BRAF: variants seen among roughly 807,000 people sequenced by gnomAD.
The protein encoded by BRAF is serine/threonine-protein kinase B-raf.
Under a neutral mutation model 104.6 loss-of-function variants are expected in BRAF, and 16 were observed. That is an observed-to-expected ratio of 0.15 (90% confidence interval 0.10 to 0.23). The LOEUF (loss-of-function observed/expected upper bound fraction) is 0.23, where lower values mean the gene tolerates loss of function less well. BRAF is among the 10% of genes least tolerant of loss of function. The pLI is 1.00. For synonymous variants in BRAF, 310 were observed against 341.6 expected (o/e 0.91, Z 1.02); for missense variants, 541 against 937.3 (o/e 0.58, Z 5.52).
intron 2 of BRAF, chr7:140,836,382 A>T (rs1176985403): frequency 1.3e-5 from 2 of 152,164 alleles, no homozygotes; most frequent in Non-Finnish European, 2.9e-5. Context: ...TAAGGGAGGA[A>T]GGGAGAATTA....
intron 3 of BRAF, among the ~76,000 whole-genome samples, chr7:140,816,650 G>A (rs1804913175): frequency 6.6e-6 from 1 of 152,026 alleles, no homozygotes; most frequent in Non-Finnish European, 1.5e-5. Context: ...AAACCCCAGG[G>A]TATGTAAACC....
intron 1 of BRAF, among the ~76,000 whole-genome samples, chr7:140,854,751 GC>G (rs1809579392): frequency 6.6e-6 from 1 of 151,866 alleles, no homozygotes; most frequent in African/African-American, 2.4e-5. Flanking sequence ...TTCGAGACCA[GC>G]TGGCCAACAC....
intron 1 of BRAF, among the ~76,000 whole-genome samples, chr7:140,903,992 C>G (rs1372937546): frequency 6.6e-6 from 1 of 152,200 alleles, no homozygotes; most frequent in Non-Finnish European, 1.5e-5. Flanking sequence ...GACATGAACT[C>G]TACTCTTGCT....
At chr7:140,809,560 CTTT>C (rs1019508314) in intron 3 of BRAF, among the ~76,000 whole-genome samples, 1 of 152,178 alleles carries the variant, frequency 6.6e-6, no homozygotes, top group African/African-American at 2.4e-5. Flanking sequence ...AGGGTCACTA[CTTT>C]TATGTCACTA....
At chr7:140,842,974 A>C (rs934200895) in intron 2 of BRAF, among the ~76,000 whole-genome samples, 1 of 152,230 alleles carries the variant, frequency 6.6e-6, no homozygotes, top group African/African-American at 2.4e-5. Context: ...AGCAAGAATA[A>C]GTAGTTGAAG....
chr7:140,840,665 C>T (rs1464932029), intron 2 of BRAF, among the ~76,000 whole-genome samples: 2 of 151,572 alleles, frequency 1.3e-5, no homozygotes, highest in African/African-American at 2.4e-5. Flanking sequence ...GTGACGCATG[C>T]CTGTAGTCCC....
intron 1 of BRAF, among the ~76,000 whole-genome samples, chr7:140,893,471 G>A (rs901806951): frequency 2.0e-5 from 3 of 151,896 alleles, no homozygotes; most frequent in Admixed American, 6.6e-5. Context: ...GGATGGTCTC[G>A]ATCTCTTGAC....
chr7:140,752,305 T>C (rs1797856464), intron 16 of BRAF, among the ~76,000 whole-genome samples: 1 of 152,192 alleles, frequency 6.6e-6, no homozygotes, highest in Non-Finnish European at 1.5e-5. Context: ...TAGCTGGAAC[T>C]ATGGACTCCA....
At chr7:140,767,080 T>C (rs1301633474) in intron 14 of BRAF, among the ~76,000 whole-genome samples, 1 of 152,136 alleles carries the variant, frequency 6.6e-6, no homozygotes, top group Admixed American at 6.5e-5. Context: ...CTTGACTCTC[T>C]GCAGCCTCAT....
At chr7:140,800,541 A>G (rs1586210151) in intron 6 of BRAF, 60 bp from the exon 7 acceptor site, 1 of 1,612,536 alleles carries the variant, frequency 6.2e-7, no homozygotes, top group East Asian at 2.2e-5. Context: ...CATATACCAA[A>G]ATACATAGTT....
chr7:140,903,485 G>T (rs1276794055), intron 1 of BRAF, among the ~76,000 whole-genome samples: 2 of 152,206 alleles, frequency 1.3e-5, no homozygotes, highest in East Asian at 1.9e-4. Flanking sequence ...CATTGACAAT[G>T]TGCCTGGTCA....
At chr7:140,831,420 T>C (rs1353781077) in intron 3 of BRAF, among the ~76,000 whole-genome samples, 1 of 152,224 alleles carries the variant, frequency 6.6e-6, no homozygotes. Context: ...CAGGGACATC[T>C]GATGTTCAGT....
intron 19 of BRAF, among the ~76,000 whole-genome samples, chr7:140,729,692 C>A (rs1795826447): frequency 6.6e-6 from 1 of 152,032 alleles, no homozygotes; most frequent in African/African-American, 2.4e-5. Flanking sequence ...GCAGGAGAAT[C>A]ACTTGAACCC....
At chr7:140,845,755 T>C (rs1017227978) in intron 2 of BRAF, among the ~76,000 whole-genome samples, 1 of 152,158 alleles carries the variant, frequency 6.6e-6, no homozygotes, top group East Asian at 1.9e-4. Flanking sequence ...CTCGGCTCAC[T>C]GCAACCTCTT....
chr7:140,773,825 C>T (rs1259722521), intron 14 of BRAF, among the ~76,000 whole-genome samples: 2 of 152,188 alleles, frequency 1.3e-5, no homozygotes, highest in African/African-American at 4.8e-5. Flanking sequence ...CTTTTGGGGT[C>T]TAAGTCTATG....
intron 1 of BRAF, among the ~76,000 whole-genome samples, chr7:140,853,104 A>G (rs1018019361): frequency 2.6e-5 from 4 of 152,088 alleles, no homozygotes; most frequent in East Asian, 1.9e-4. Flanking sequence ...CACAGTAGCT[A>G]TTCTTCAAAA....
intron 14 of BRAF, among the ~76,000 whole-genome samples, chr7:140,760,991 C>G (rs550809686): frequency 9.9e-5 from 15 of 152,248 alleles, no homozygotes; most frequent in African/African-American, 3.1e-4. Context: ...GAGAACTTCC[C>G]CAATCTAGCA....
chr7:140,807,928 G>T (rs2129047865), intron 5 of BRAF, 32 bp downstream of exon 5: 2 of 1,524,310 alleles, frequency 1.3e-6, no homozygotes, highest in South Asian at 1.1e-5. Context: ...AAACATTTTT[G>T]ACATTTCAAA....
At chr7:140,734,188 C>A in intron 19 of BRAF, 1 of 1,089,720 alleles carries the variant, frequency 9.2e-7, no homozygotes, top group Non-Finnish European at 1.1e-6. Context: ...CCCAGGCTAA[C>A]CGACTGCCAA....
Sources: allele counts gnomAD v4.1 joint callset (sites outside exome capture counted in the v4.1 genomes callset), GRCh38; gene constraint gnomAD v4.1.1; transcripts MANE v1.5; gene names NCBI Gene and HGNC (gene_info 2026-07-23, HGNC 2026-07-21).